GRID2: variants seen among roughly 807,000 people sequenced by gnomAD.
The protein encoded by GRID2 is glutamate receptor ionotropic, delta-2.
A neutral mutation model predicts 114.8 loss-of-function variants in GRID2; 33 were observed. The observed-to-expected ratio is 0.29, with a 90% CI of 0.22 to 0.38. The LOEUF (loss-of-function observed/expected upper bound fraction) is 0.38. Among genes scored for constraint, GRID2 ranks in the 10% least tolerant of loss-of-function variants. The pLI is 1.00. For synonymous variants in GRID2, 505 were observed against 449.9 expected, an observed-to-expected ratio of 1.12 and a Z score of -1.55; for missense variants, 1,184 against 1,257.7, an observed-to-expected ratio of 0.94 and a Z score of 0.89.
intron 2 of GRID2, among the ~76,000 whole-genome samples, chr4:92,900,611 A>G (rs1305080804): frequency 6.6e-6 from 1 of 152,102 alleles, no homozygotes; most frequent in Non-Finnish European, 1.5e-5. Flanking sequence ...CGGGTGAATC[A>G]TGAGGTCAGG....
At chr4:92,613,989 G>A (rs1002068107) in intron 2 of GRID2, among the ~76,000 whole-genome samples, 5 of 151,244 alleles carry the variant, frequency 3.3e-5, no homozygotes, top group African/African-American at 9.7e-5. Context: ...GATTATATCA[G>A]GGTTATTATC....
intron 13 of GRID2, among the ~76,000 whole-genome samples, chr4:93,595,529 CA>C (rs1469933726): frequency 3.9e-5 from 6 of 152,122 alleles, no homozygotes; most frequent in African/African-American, 1.2e-4. Context: ...CTTAATGAAA[CA>C]CTGCATGAAA....
At chr4:93,464,954 T>G (rs1371285783) in intron 11 of GRID2, among the ~76,000 whole-genome samples, 1 of 152,232 alleles carries the variant, frequency 6.6e-6, no homozygotes, top group Non-Finnish European at 1.5e-5. Flanking sequence ...GTATATCTTC[T>G]GCCTTTACTA....
chr4:93,419,768 A>T (rs1768083135), intron 9 of GRID2, among the ~76,000 whole-genome samples: 1 of 152,144 alleles, frequency 6.6e-6, no homozygotes, highest in Non-Finnish European at 1.5e-5. Context: ...GTTTGCCTAG[A>T]GATTTACTTA....
chr4:93,004,733 GT>G (rs1398047092), intron 2 of GRID2, among the ~76,000 whole-genome samples: 1 of 151,918 alleles, frequency 6.6e-6, no homozygotes, highest in African/African-American at 2.4e-5. Flanking sequence ...CTTCACTTGT[GT>G]TTCTCTCTTC....
chr4:93,250,553 C>CA (rs33946614), intron 8 of GRID2, among the ~76,000 whole-genome samples: 103,668 of 145,996 alleles, frequency 0.71, 37,453 homozygotes, highest in African/African-American at 0.85. Context: ...TTCTTCTTGA[C>CA]AAAAAAAAAG....
intron 4 of GRID2, among the ~76,000 whole-genome samples, chr4:93,120,702 C>T (rs1425427088): frequency 4.6e-5 from 7 of 151,984 alleles, no homozygotes; most frequent in African/African-American, 1.7e-4. Flanking sequence ...GCCTGTAATC[C>T]CAGCACTTTG....
At chr4:92,931,186 A>G (rs1560713516) in intron 2 of GRID2, among the ~76,000 whole-genome samples, 1 of 151,074 alleles carries the variant, frequency 6.6e-6, no homozygotes, top group Non-Finnish European at 1.5e-5. Context: ...AGGATTGAAA[A>G]GTTGGTTTAA....
chr4:92,758,450 A>G, intron 2 of GRID2, among the ~76,000 whole-genome samples: 1 of 152,092 alleles, frequency 6.6e-6, no homozygotes, highest in Non-Finnish European at 1.5e-5. Flanking sequence ...GTGGGTCCTC[A>G]TAGTCTAGTG....
At chr4:93,188,007 G>A (rs1269621138) in intron 4 of GRID2, among the ~76,000 whole-genome samples, 4 of 150,704 alleles carry the variant, frequency 2.7e-5, no homozygotes, top group South Asian at 4.2e-4. Flanking sequence ...CAGGGTTTGC[G>A]GAATGCAACC....
intron 11 of GRID2, among the ~76,000 whole-genome samples, chr4:93,485,703 CTTTCA>C (rs2149452415): frequency 6.6e-6 from 1 of 151,824 alleles, no homozygotes; most frequent in African/African-American, 2.4e-5. Context: ...GCATGGACAA[CTTTCA>C]TTTATTTATT....
intron 2 of GRID2, among the ~76,000 whole-genome samples, chr4:92,779,080 A>G (rs1164505177): frequency 6.6e-6 from 1 of 152,054 alleles, no homozygotes; most frequent in Non-Finnish European, 1.5e-5. Context: ...TAAAATTATC[A>G]CCTACCCTAA....
chr4:92,939,113 A>G (rs183220390), intron 2 of GRID2, among the ~76,000 whole-genome samples: 1 of 147,192 alleles, frequency 6.8e-6, no homozygotes, highest in Non-Finnish European at 1.5e-5. Flanking sequence ...TGGTATTTCT[A>G]GTTCTAGATC....
intron 2 of GRID2, among the ~76,000 whole-genome samples, chr4:93,076,969 T>A (rs890068633): frequency 2.6e-5 from 4 of 152,162 alleles, no homozygotes; most frequent in Non-Finnish European, 5.9e-5. Flanking sequence ...TCTCTTCTAG[T>A]ATGTAGCAGT....
chr4:92,361,735 G>A (rs1464396347), intron 1 of GRID2, among the ~76,000 whole-genome samples: 1 of 151,974 alleles, frequency 6.6e-6, no homozygotes, highest in Non-Finnish European at 1.5e-5. Context: ...TTCCTTTGTT[G>A]CCAGTGTCCT....
At chr4:93,344,900 T>C (rs1358283817) in intron 8 of GRID2, among the ~76,000 whole-genome samples, 1 of 151,846 alleles carries the variant, frequency 6.6e-6, no homozygotes, top group African/African-American at 2.4e-5. Flanking sequence ...CTAGCTTATT[T>C]CACTTAGCAA....
At position 93,726,724 on chromosome 4, in the gene GRID2, G is replaced by A. The variant is rs533666783; in HGVS notation, c.2361-42486G>A. Among the ~76,000 whole-genome samples the A allele has an allele frequency of 6.1e-3, 921 of 152,050 alleles. 12 individuals are homozygous for A. Among genetic ancestry groups the A allele is most frequent in the African/African-American group, 0.021 (878 of 41,378 alleles). On this transcript the variant is annotated intron_variant, in intron 14 of 15. Coordinates refer to ENST00000282020, the MANE Select transcript of GRID2 (RefSeq NM_001510.4). ...ACATCTCTTGTAAGTTGAATTCCTA[G>A]GTATTTTATTCTCTTTGAAGCAATT...
At chr4:93,527,709 A>G (rs1337786656) in intron 13 of GRID2, among the ~76,000 whole-genome samples, 1 of 152,142 alleles carries the variant, frequency 6.6e-6, no homozygotes, top group Non-Finnish European at 1.5e-5. Context: ...AAATTATAAA[A>G]TACATGTAAC....
At chr4:92,620,855 A>C (rs1730236709) in intron 2 of GRID2, among the ~76,000 whole-genome samples, 1 of 151,360 alleles carries the variant, frequency 6.6e-6, no homozygotes, top group Non-Finnish European at 1.5e-5. Flanking sequence ...TGATGAGTTA[A>C]TGGGTGCAGC....
Sources: allele counts gnomAD v4.1 joint callset (sites outside exome capture counted in the v4.1 genomes callset), GRCh38; gene constraint gnomAD v4.1.1; transcripts MANE v1.5; gene names NCBI Gene and HGNC (gene_info 2026-07-23, HGNC 2026-07-21).